The following PELI2 variants were observed in gnomAD, a reference collection of about 807,000 sequenced individuals.
PELI2 encodes the protein E3 ubiquitin-protein ligase pellino homolog 2.
Under a neutral mutation model 42.3 loss-of-function variants are expected in PELI2, and 23 were observed. The ratio of observed to expected loss-of-function variants is 0.54; its 90% CI spans 0.39 to 0.77. PELI2 has a LOEUF of 0.77. Among genes scored for constraint, PELI2 ranks in the 30% least tolerant of loss-of-function variants. The pLI is 0.00. For synonymous variants in PELI2, 245 were observed against 212.2 expected, an observed-to-expected ratio of 1.15 and a Z score of -1.34; for missense variants, 463 against 553.2, an observed-to-expected ratio of 0.84 and a Z score of 1.64.
chr14:56,122,693 C>T (rs145214831), intron 1 of PELI2, among the ~76,000 whole-genome samples: 4 of 151,998 alleles, frequency 2.6e-5, no homozygotes, highest in Non-Finnish European at 5.9e-5. Context: ...GAGTTCGGGA[C>T]ATTCTTGAAC....
At chr14:56,163,725 T>C (rs1054015823) in intron 1 of PELI2, among the ~76,000 whole-genome samples, 3 of 152,142 alleles carry the variant, frequency 2.0e-5, no homozygotes, top group Non-Finnish European at 4.4e-5. Context: ...GTCTTTTCAT[T>C]TTTTGGTGTC....
intron 2 of PELI2, among the ~76,000 whole-genome samples, chr14:56,206,837 C>T (rs1483774040): frequency 6.6e-6 from 1 of 152,106 alleles, no homozygotes; most frequent in African/African-American, 2.4e-5. Flanking sequence ...TTCTGAATTC[C>T]AAGATCACTG....
intron 1 of PELI2, among the ~76,000 whole-genome samples, chr14:56,177,032 C>T (rs1419499017): frequency 2.0e-5 from 3 of 152,136 alleles, no homozygotes; most frequent in African/African-American, 7.2e-5. Flanking sequence ...TTCTGATCTG[C>T]CTGAGAAAAA....
intron 2 of PELI2, among the ~76,000 whole-genome samples, chr14:56,199,289 C>T (rs1439534707): frequency 1.3e-5 from 2 of 152,110 alleles, no homozygotes; most frequent in African/African-American, 4.8e-5. Flanking sequence ...CTGAATGTAG[C>T]GGTTCTGCCT....
At chr14:56,284,243 C>G (rs1268390385) in intron 3 of PELI2, among the ~76,000 whole-genome samples, 1 of 152,074 alleles carries the variant, frequency 6.6e-6, no homozygotes, top group Non-Finnish European at 1.5e-5. Flanking sequence ...TTAATATAAT[C>G]AGAGTAAGAT....
chr14:56,224,612 T>A (rs1158247235), intron 2 of PELI2, among the ~76,000 whole-genome samples: 2 of 152,250 alleles, frequency 1.3e-5, no homozygotes, highest in Non-Finnish European at 2.9e-5. Flanking sequence ...AGACAAGTTC[T>A]ACCCACTGCA....
chr14:56,286,217 C>T (rs1889640474), intron 3 of PELI2, among the ~76,000 whole-genome samples: 1 of 152,112 alleles, frequency 6.6e-6, no homozygotes, highest in Non-Finnish European at 1.5e-5. Flanking sequence ...ATATTAGGAG[C>T]AAAATCCTTG....
At chr14:56,163,977 A>G (rs1157422633) in intron 1 of PELI2, among the ~76,000 whole-genome samples, 2 of 152,132 alleles carry the variant, frequency 1.3e-5, no homozygotes, top group Non-Finnish European at 2.9e-5. Flanking sequence ...AGTTTTCCAA[A>G]TATAAGATTA....
intron 5 of PELI2, 34 bp downstream of exon 5, chr14:56,290,490 G>A (rs376356271): frequency 1.9e-5 from 29 of 1,488,022 alleles, no homozygotes; most frequent in African/African-American, 1.5e-4. Flanking sequence ...TGTGAAGTAC[G>A]AAACTACTCA....
chr14:56,131,792 A>C (rs1478357217), intron 1 of PELI2, among the ~76,000 whole-genome samples: 1 of 152,130 alleles, frequency 6.6e-6, no homozygotes, highest in Non-Finnish European at 1.5e-5. Flanking sequence ...TGGGTTTATT[A>C]CTTAGAAATC....
At chr14:56,169,854 A>G (rs750700645) in intron 1 of PELI2, among the ~76,000 whole-genome samples, 4 of 152,212 alleles carry the variant, frequency 2.6e-5, no homozygotes, top group Non-Finnish European at 5.9e-5. Flanking sequence ...CCATTGGGTC[A>G]GGGGAAGTCC....
chr14:56,180,143 T>C lies in PELI2; in HGVS notation c.207+1679T>C, dbSNP rs900583668. ...TCATCTAAGTCTGTGTTTAAAAATA[T>C]TACCCACAGTACTAAAAGTAGGGCA... On this transcript the variant is annotated intron_variant, in intron 2 of 5. Coordinates refer to ENST00000267460, the MANE Select transcript of PELI2 (RefSeq NM_021255.3). This position sits in a 1 kb window ranked among gnomAD's most constrained non-coding sequence, Gnocchi z 4.4. Among the ~76,000 whole-genome samples the C allele has an allele frequency of 1.2e-4, 18 of 152,196 alleles. No homozygotes were observed. Among genetic ancestry groups the C allele is most frequent in the African/African-American group, 4.3e-4 (18 of 41,438 alleles).
At chr14:56,216,875 A>G (rs1424639850) in intron 2 of PELI2, among the ~76,000 whole-genome samples, 5 of 152,236 alleles carry the variant, frequency 3.3e-5, no homozygotes, top group Admixed American at 2.0e-4. Context: ...GCTGATTAGC[A>G]TGCAATGTTA....
At chr14:56,277,771 G>A (rs773555085) in intron 2 of PELI2, among the ~76,000 whole-genome samples, 24 of 152,222 alleles carry the variant, frequency 1.6e-4, no homozygotes, top group Admixed American at 1.2e-3. Context: ...AATAGCAAAT[G>A]TGTTAGGGAA....
At chr14:56,119,852 G>GGC (rs1882998964) in intron 1 of PELI2, 10 of 985,242 alleles carry the variant, frequency 1.0e-5, no homozygotes, top group Non-Finnish European at 1.2e-5. Flanking sequence ...GAACATCCTC[G>GGC]GCGCTGATAG....
chr14:56,245,405 A>G (rs1888114935), intron 2 of PELI2, among the ~76,000 whole-genome samples: 1 of 152,194 alleles, frequency 6.6e-6, no homozygotes, highest in Admixed American at 6.5e-5. Flanking sequence ...TTAAAAATAT[A>G]TTTTATCAAT....
At chr14:56,254,397 A>C (rs955057912) in intron 2 of PELI2, among the ~76,000 whole-genome samples, 2 of 9,374 alleles carry the variant, frequency 2.1e-4, no homozygotes, top group Non-Finnish European at 5.3e-4. Flanking sequence ...ACTCCATCTC[A>C]AAAAAAAAAA....
intron 1 of PELI2, among the ~76,000 whole-genome samples, chr14:56,167,753 C>A (rs1462312573): frequency 6.6e-6 from 1 of 152,154 alleles, no homozygotes; most frequent in East Asian, 1.9e-4. Context: ...AGTGTCTGGG[C>A]ATTCAAAAAT....
intron 2 of PELI2, among the ~76,000 whole-genome samples, chr14:56,189,307 G>A (rs1390450548): frequency 6.6e-6 from 1 of 152,202 alleles, no homozygotes; most frequent in Non-Finnish European, 1.5e-5. Context: ...TGGGGGCTGT[G>A]TTCCTTGTGG....
Sources: gnomAD v4.1 joint callset for allele counts (sites outside exome capture counted in the v4.1 genomes callset) on GRCh38, gnomAD v4.1.1 for gene constraint, Gnocchi (gnomAD v3.1) non-coding constraint, MANE v1.5 for transcripts, NCBI Gene and HGNC (gene_info 2026-07-23, HGNC 2026-07-21) for gene names.